The following TCEANC2 variants were observed in gnomAD, a reference collection of about 807,000 sequenced individuals.
TCEANC2 encodes the protein transcription elongation factor A N-terminal and central domain containing 2, also known as transcription elongation factor A N-terminal and central domain-containing protein 2.
A neutral mutation model predicts 22.8 loss-of-function variants in TCEANC2; 20 were observed. The ratio of observed to expected loss-of-function variants is 0.88; its 90% CI spans 0.62 to 1.28. The LOEUF (loss-of-function observed/expected upper bound fraction) is 1.28, where lower values mean the gene tolerates loss of function less well. TCEANC2 is among the 50% of genes most tolerant of loss of function. The probability of loss-of-function intolerance (pLI) is 0.00; values close to 1 mark genes in which losing one functional copy is unlikely to be tolerated. For synonymous variants in TCEANC2, 84 were observed against 95.5 expected (o/e 0.88, Z 0.70); for missense variants, 251 against 249.7 (o/e 1.01, Z -0.03).
At chr1:54,063,978 A>G (rs1160323304) in intron 2 of TCEANC2, among the ~76,000 whole-genome samples, 4 of 152,232 alleles carry the variant, frequency 2.6e-5, no homozygotes, top group Admixed American at 1.3e-4. Context: ...TCAAAACTGA[A>G]AAAAATTAAT....
downstream of TCEANC2, among the ~76,000 whole-genome samples, chr1:54,110,172 C>G (rs1040785282): frequency 6.6e-6 from 1 of 152,208 alleles, no homozygotes; most frequent in Non-Finnish European, 1.5e-5. Context: ...AATCTTCTCT[C>G]CATCACCTTA....
chr1:54,111,071 G>A (rs115982932), downstream of TCEANC2: 7 of 152,358 alleles, frequency 4.6e-5, no homozygotes, highest in African/African-American at 1.7e-4. Flanking sequence ...TGGGAGCAGC[G>A]ACCTTGTCCG....
rs1324163914 is a variant in TCEANC2 at position 54,101,139 on chromosome 1, C to G, written c.*4666C>G. On this transcript the variant is annotated 3_prime_UTR_variant, in exon 5 of 5. Coordinates refer to ENST00000234827, the MANE Select transcript of TCEANC2 (RefSeq NM_153035.3). ...AGGTTCTTAAACTTGTGCCTGTCAA[C>G]CTTGGTTTTCTTTTGCTGTAGCCTC... 6.6e-6 allele frequency: 1 copy of G among 152,130 alleles called. No individual in the cohort carries two copies. Among genetic ancestry groups the G allele is most frequent in the African/African-American group, 2.4e-5 (1 of 41,428 alleles). The allele number at this position is 152,130 out of a possible 1,614,324, so 9.4% of individuals were successfully genotyped here.
rs569701421 is a variant in TCEANC2 at position 54,059,988 on chromosome 1, C to A, written c.102+5464C>A. Among the ~76,000 whole-genome samples, 4 of 152,270 alleles carry A rather than the reference C, an allele frequency of 2.6e-5. No homozygotes were observed. In the South Asian group the frequency reaches 8.3e-4, roughly 32 times the overall value. Reference sequence around the variant, plus strand: ...TATAAGAAGTTAATAAATAATGAAGCCAGGTGTGGTGGCTCATGCCTATAA... The same window carrying A: ...TATAAGAAGTTAATAAATAATGAAGACAGGTGTGGTGGCTCATGCCTATAA... On this transcript the variant is annotated intron_variant, in intron 2 of 4. Coordinates refer to ENST00000234827, the MANE Select transcript of TCEANC2 (RefSeq NM_153035.3).
chr1:54,086,448 C>A (rs931782180), intron 3 of TCEANC2, among the ~76,000 whole-genome samples: 14 of 152,164 alleles, frequency 9.2e-5, no homozygotes, highest in Non-Finnish European at 8.8e-5. Context: ...TTAAATGAGT[C>A]TTAAAGGCCG....
chr1:54,079,335 G>A (rs1480475408), intron 3 of TCEANC2, among the ~76,000 whole-genome samples: 1 of 152,144 alleles, frequency 6.6e-6, no homozygotes, highest in African/African-American at 2.4e-5. Flanking sequence ...GGCTTGGAGA[G>A]TTTAAAGTAA....
chr1:54,097,029 G>T lies in TCEANC2; in HGVS notation c.*556G>T, dbSNP rs540377282. 1 of 980,808 alleles carries T rather than the reference G, an allele frequency of 1.0e-6. No homozygotes were observed. The highest frequency in any genetic ancestry group is 6.2e-5 in the Admixed American group (1 of 16,260). The allele number at this position is 980,808 out of a possible 1,614,324, so 60.8% of individuals were successfully genotyped here. On this transcript the variant is annotated 3_prime_UTR_variant, in exon 5 of 5. Transcript: ENST00000234827. ...TTATCTGAACGTTTCAGCTCTCCCT[G>T]GAAGACCTTCTGCGTTGGTCTCCAG...
chr1:54,076,728 A>G (rs923502306), intron 3 of TCEANC2, among the ~76,000 whole-genome samples: 4 of 152,216 alleles, frequency 2.6e-5, no homozygotes, highest in Non-Finnish European at 4.4e-5. Context: ...GAGATCAGAT[A>G]GGAGGTCATT....
At chr1:54,083,628 G>C (rs1022869442) in intron 3 of TCEANC2, among the ~76,000 whole-genome samples, 1 of 152,160 alleles carries the variant, frequency 6.6e-6, no homozygotes, top group African/African-American at 2.4e-5. Context: ...GTTTCTTGGA[G>C]AGAGAAAAGG....
At position 54,065,174 on chromosome 1, in the gene TCEANC2, GA is replaced by G. The variant is rs200474646; in HGVS notation, c.103-3576del. Reference sequence around the variant, plus strand: ...AGAAGAAAAACAGAACTTGTCCAATGAAAAAATATCATTATTGAAGCAGAAA... The same window carrying G: ...AGAAGAAAAACAGAACTTGTCCAATGAAAAATATCATTATTGAAGCAGAAA... On this transcript the variant is annotated intron_variant, in intron 2 of 4. Coordinates refer to ENST00000234827, the MANE Select transcript of TCEANC2 (RefSeq NM_153035.3). Among the ~76,000 whole-genome samples, 883 of 152,186 alleles carry G rather than the reference GA, an allele frequency of 5.8e-3. 6 individuals are homozygous for G. Among genetic ancestry groups the G allele is most frequent in the African/African-American group, 0.02 (826 of 41,500 alleles).
chr1:54,084,331 C>T (rs1658298718), intron 3 of TCEANC2, among the ~76,000 whole-genome samples: 1 of 152,014 alleles, frequency 6.6e-6, no homozygotes, highest in African/African-American at 2.4e-5. Flanking sequence ...TTTTTAATGG[C>T]TGCAAAGTAG....
chr1:54,056,188 A>G (rs961707703), intron 2 of TCEANC2, among the ~76,000 whole-genome samples: 9 of 152,250 alleles, frequency 5.9e-5, no homozygotes, highest in Admixed American at 3.3e-4. Context: ...ATAATTGTAC[A>G]TAGCAATGAT....
chr1:54,095,342 G>A (rs915070487), intron 4 of TCEANC2, among the ~76,000 whole-genome samples: 1 of 152,144 alleles, frequency 6.6e-6, no homozygotes, highest in African/African-American at 2.4e-5. Flanking sequence ...AACATGTGCT[G>A]GTGCAGAGGC....
At chr1:54,093,634 T>C (rs980866680) in intron 4 of TCEANC2, among the ~76,000 whole-genome samples, 2 of 152,094 alleles carry the variant, frequency 1.3e-5, no homozygotes, top group Non-Finnish European at 2.9e-5. Context: ...TTCACATCCT[T>C]TCTGTTCTAT....
intron 2 of TCEANC2, among the ~76,000 whole-genome samples, chr1:54,060,290 A>T (rs1657828588): frequency 6.6e-6 from 1 of 152,128 alleles, no homozygotes; most frequent in South Asian, 2.1e-4. Context: ...CTGTAGTCCC[A>T]GCTGCTTGGG....
downstream of TCEANC2, among the ~76,000 whole-genome samples, chr1:54,108,958 C>A (rs895752303): frequency 3.9e-5 from 6 of 151,934 alleles, no homozygotes; most frequent in Non-Finnish European, 7.4e-5. Context: ...GGTGACAAAG[C>A]AAGACTCCGT....
Position 54,104,739 on chromosome 1 carries a change from G to A in TCEANC2, c.*8266G>A, listed in dbSNP as rs1472176143. On this transcript the variant is annotated 3_prime_UTR_variant, in exon 5 of 5. Transcript: ENST00000234827. ...GTATTTTTAGTAGAGATGGAGTTTC[G>A]CCATGTTGGCCAGACTAGTTTTGAA... The A allele has an allele frequency of 3.8e-5, 17 of 443,262 alleles. No homozygotes were observed. The highest frequency in any genetic ancestry group is 6.9e-5 in the Non-Finnish European group (15 of 218,272). 27.5% of individuals were successfully genotyped at this position (443,262 alleles called of 1,614,324 possible). A position where few individuals can be genotyped will look rare whatever the true frequency, so the allele number is the denominator to read the frequency against.
At position 54,098,083 on chromosome 1, in the gene TCEANC2, T is replaced by C. The variant is rs1264909636; in HGVS notation, c.*1610T>C. The stretch of plus-strand genomic sequence containing the variant: ...TCTACTCTCATGTTTTCAAGCATCA[T>C]TTACATGCTGATGACATTCCAGTTT... On this transcript the variant is annotated 3_prime_UTR_variant, in exon 5 of 5. Coordinates refer to ENST00000234827, the MANE Select transcript of TCEANC2 (RefSeq NM_153035.3). 2 of 152,238 alleles carry C rather than the reference T, an allele frequency of 1.3e-5. No individual in the cohort carries two copies. The highest frequency in any genetic ancestry group is 2.1e-4 in the South Asian group (1 of 4,828). The allele number at this position is 152,238 out of a possible 1,614,324, so 9.4% of individuals were successfully genotyped here. A position where few individuals can be genotyped will look rare whatever the true frequency, so the allele number is the denominator to read the frequency against.
intron 1 of TCEANC2, 171 bp from the exon 2 acceptor site, chr1:54,054,210 C>A: frequency 7.0e-7 from 1 of 1,429,398 alleles, no homozygotes; most frequent in South Asian, 1.6e-5. Context: ...ATTACAGTTT[C>A]AATTCTTCGG....
Sources: allele counts gnomAD v4.1 joint callset (sites outside exome capture counted in the v4.1 genomes callset), GRCh38; gene constraint gnomAD v4.1.1; transcripts MANE v1.5; gene names NCBI Gene and HGNC (gene_info 2026-07-23, HGNC 2026-07-21).